The following CD226 variants were observed in gnomAD, a reference collection of about 807,000 sequenced individuals.
CD226 encodes CD226 antigen.
CD226 carries 24 observed loss-of-function variants against 34.9 expected under a neutral mutation model. That is an observed-to-expected ratio of 0.69 (90% CI 0.50 to 0.97). The LOEUF (loss-of-function observed/expected upper bound fraction) is 0.97. Ranked by LOEUF, CD226 falls within the 50% of genes least tolerant of loss-of-function variation. CD226 has a pLI of 0.00. For missense variants in CD226, 397 were observed against 412.7 expected (o/e 0.96, Z 0.33); for synonymous variants, 148 against 147.4 (o/e 1.00, Z -0.03).
upstream of CD226, among the ~76,000 whole-genome samples, chr18:69,959,990 T>C (rs921897677): frequency 6.6e-6 from 1 of 152,126 alleles, no homozygotes; most frequent in African/African-American, 2.4e-5. Flanking sequence ...TTCACACCTG[T>C]AATCCCAGCA....
At chr18:69,953,473 C>A (rs2055870899) in intron 1 of CD226, among the ~76,000 whole-genome samples, 1 of 152,162 alleles carries the variant, frequency 6.6e-6, no homozygotes, top group Non-Finnish European at 1.5e-5. Context: ...AAACAAAAGG[C>A]CACATTTTGT....
At chr18:69,913,277 T>A (rs2055347857) in intron 2 of CD226, among the ~76,000 whole-genome samples, 2 of 152,136 alleles carry the variant, frequency 1.3e-5, no homozygotes, top group Admixed American at 6.5e-5. Context: ...TGGAAACATT[T>A]TAGAAAATAG....
At chr18:69,940,272 G>A (rs2055706980) in intron 2 of CD226, among the ~76,000 whole-genome samples, 1 of 152,132 alleles carries the variant, frequency 6.6e-6, no homozygotes, top group African/African-American at 2.4e-5. Flanking sequence ...CCCTGTCTCA[G>A]GTATGTCTTT....
At chr18:69,942,090 G>A (rs964076590) in intron 2 of CD226, among the ~76,000 whole-genome samples, 2 of 152,196 alleles carry the variant, frequency 1.3e-5, no homozygotes, top group Non-Finnish European at 2.9e-5. Flanking sequence ...TTTTCACCAT[G>A]ATTGTACGTT....
At chr18:69,867,160 A>T (rs1049229331) in intron 5 of CD226, among the ~76,000 whole-genome samples, 197 bp downstream of exon 5, 1 of 152,202 alleles carries the variant, frequency 6.6e-6, no homozygotes. Context: ...CATATAAAAA[A>T]CTTAGTTTCA....
chr18:69,927,962 C>A (rs2055543916), intron 2 of CD226, among the ~76,000 whole-genome samples: 1 of 152,104 alleles, frequency 6.6e-6, no homozygotes, highest in African/African-American at 2.4e-5. Flanking sequence ...CAAAAACTTG[C>A]AAATGACACT....
chr18:69,894,391 GA>G (rs1985084555), intron 3 of CD226, among the ~76,000 whole-genome samples: 1 of 52 alleles, frequency 0.019, no homozygotes. Context: ...AGGAAGGAAG[GA>G]AGGAAGGAAG....
intron 4 of CD226, among the ~76,000 whole-genome samples, chr18:69,869,827 G>A (rs1477155069): frequency 1.5e-5 from 2 of 136,252 alleles, no homozygotes; most frequent in South Asian, 2.4e-4. Flanking sequence ...TTGAGATGGA[G>A]TCTCGCTCTG....
At chr18:69,864,580 T>A (rs997181478) in intron 5 of CD226, 141 bp from the exon 6 acceptor site, 10 of 801,284 alleles carry the variant, frequency 1.2e-5, no homozygotes, top group Non-Finnish European at 1.8e-5. Flanking sequence ...AACATTCTCA[T>A]TGTATTGAAC....
At chr18:69,891,509 CA>C (rs1275664021) in intron 3 of CD226, among the ~76,000 whole-genome samples, 1 of 152,068 alleles carries the variant, frequency 6.6e-6, no homozygotes, top group African/African-American at 2.4e-5. Flanking sequence ...AAAAAGAAAA[CA>C]AAAGGCATTC....
At chr18:69,904,044 C>CTA (rs1217513539) in intron 2 of CD226, among the ~76,000 whole-genome samples, 1 of 152,070 alleles carries the variant, frequency 6.6e-6, no homozygotes, top group Non-Finnish European at 1.5e-5. Context: ...TGTCTTTCAT[C>CTA]TAAAGTGCAG....
upstream of CD226, among the ~76,000 whole-genome samples, chr18:69,950,886 G>C (rs537191570): frequency 9.9e-4 from 151 of 152,074 alleles, 1 homozygote; most frequent in African/African-American, 3.5e-3. Context: ...TAGCAGTACT[G>C]TACCTGAGTT....
intron 2 of CD226, among the ~76,000 whole-genome samples, chr18:69,908,928 T>A (rs958966292): frequency 6.6e-6 from 1 of 152,248 alleles, no homozygotes; most frequent in African/African-American, 2.4e-5. Flanking sequence ...CTGCTATTTA[T>A]CCTTCAAAAT....
chr18:69,890,942 TA>T (rs542619547), intron 3 of CD226, among the ~76,000 whole-genome samples: 35 of 128,464 alleles, frequency 2.7e-4, no homozygotes, highest in Non-Finnish European at 4.2e-4. Context: ...AATTCTTTTT[TA>T]AAAAAAGAAG....
chr18:69,918,912 TA>T (rs1255471320), intron 2 of CD226, among the ~76,000 whole-genome samples: 1 of 152,180 alleles, frequency 6.6e-6, no homozygotes, highest in African/African-American at 2.4e-5. Context: ...TGGGGCAGGC[TA>T]GTGATACTTC....
intron 1 of CD226, among the ~76,000 whole-genome samples, chr18:69,954,717 T>C (rs771154894): frequency 6.6e-6 from 1 of 151,768 alleles, no homozygotes; most frequent in African/African-American, 2.4e-5. Flanking sequence ...AGTCAAGAGA[T>C]GAAGAGAACT....
At chr18:69,913,356 T>C (rs2055349043) in intron 2 of CD226, among the ~76,000 whole-genome samples, 3 of 152,336 alleles carry the variant, frequency 2.0e-5, no homozygotes, top group Non-Finnish European at 2.9e-5. Flanking sequence ...GATTTGTTAT[T>C]GTCACAGAGC....
intron 3 of CD226, among the ~76,000 whole-genome samples, chr18:69,881,849 C>T (rs1984283658): frequency 6.6e-6 from 1 of 152,110 alleles, no homozygotes; most frequent in African/African-American, 2.4e-5. Context: ...TTGAACTTTC[C>T]TGTATGCCTG....
At chr18:69,926,537 C>T (rs543971736) in intron 2 of CD226, among the ~76,000 whole-genome samples, 2 of 152,150 alleles carry the variant, frequency 1.3e-5, no homozygotes, top group African/African-American at 4.8e-5. Flanking sequence ...ATATCTCATT[C>T]ATCCTAATAT....
Sources: gnomAD v4.1 joint callset for allele counts (sites outside exome capture counted in the v4.1 genomes callset) on GRCh38, gnomAD v4.1.1 for gene constraint, MANE v1.5 for transcripts, NCBI Gene and HGNC (gene_info 2026-07-23, HGNC 2026-07-21) for gene names.